Variants in TACC2 observed in about 807,000 individuals in gnomAD.
TACC2 encodes the protein transforming acidic coiled-coil-containing protein 2.
In TACC2, 137 loss-of-function variants were observed where a neutral mutation model predicts 227.3. That is an observed-to-expected ratio of 0.60 (90% confidence interval 0.52 to 0.69). The LOEUF is 0.69. Ranked by LOEUF, TACC2 falls within the 30% of genes least tolerant of loss-of-function variation. The pLI is 0.00. For missense variants in TACC2, 3,470 were observed against 3,694.4 expected, an observed-to-expected ratio of 0.94 and a Z score of 1.57; for synonymous variants, 1,523 against 1,487.5, an observed-to-expected ratio of 1.02 and a Z score of -0.55.
intron 2 of TACC2, 178 bp downstream of exon 2, chr10:122,022,192 T>C (rs899261129): frequency 3.5e-5 from 21 of 603,958 alleles, no homozygotes; most frequent in Middle Eastern, 8.6e-4. Context: ...GGAATTCTCT[T>C]ACGATTAAGG....
chr10:122,095,254 T>G (rs931938793), intron 5 of TACC2, among the ~76,000 whole-genome samples: 1 of 152,176 alleles, frequency 6.6e-6, no homozygotes, highest in African/African-American at 2.4e-5. Flanking sequence ...GACCATATGA[T>G]TCTGAGGTCT....
At chr10:122,016,768 A>G (rs1258996967) in intron 1 of TACC2, among the ~76,000 whole-genome samples, 1 of 152,126 alleles carries the variant, frequency 6.6e-6, no homozygotes, top group Non-Finnish European at 1.5e-5. Flanking sequence ...CTTCTATAAG[A>G]TGCTTAATTT....
intron 2 of TACC2, among the ~76,000 whole-genome samples, chr10:122,038,433 G>A (rs998204948): frequency 1.3e-5 from 2 of 152,176 alleles, no homozygotes; most frequent in South Asian, 4.1e-4. Context: ...TTAAAGGGGG[G>A]ACTTTGCATG....
chr10:122,125,492 GC>G (rs2086658267), intron 5 of TACC2, among the ~76,000 whole-genome samples: 1 of 152,116 alleles, frequency 6.6e-6, no homozygotes, highest in Non-Finnish European at 1.5e-5. Context: ...GAGCCACCAT[GC>G]CCGTCCCATG....
chr10:121,999,510 A>G (rs11200317), intron 1 of TACC2, among the ~76,000 whole-genome samples: 11,149 of 152,312 alleles, frequency 0.073, 462 homozygotes, highest in East Asian at 0.12. Flanking sequence ...TCATCGCCAC[A>G]TGTGTTCCAA....
chr10:121,995,749 G>A (rs1953384612), intron 1 of TACC2, among the ~76,000 whole-genome samples: 1 of 149,240 alleles, frequency 6.7e-6, no homozygotes, highest in Non-Finnish European at 1.5e-5. Flanking sequence ...AGAGATGCCA[G>A]GATCTTTTCT....
At chr10:122,237,271 A>T in intron 16 of TACC2, 124 bp from the exon 17 acceptor site, 1 of 955,586 alleles carries the variant, frequency 1.0e-6, no homozygotes, top group African/African-American at 1.7e-5. Context: ...GCACTTTCTC[A>T]TACTTTTGAT....
At chr10:122,082,043 C>T (rs1209298545) in intron 3 of TACC2, among the ~76,000 whole-genome samples, 3 of 151,536 alleles carry the variant, frequency 2.0e-5, no homozygotes, top group East Asian at 1.9e-4. Flanking sequence ...GTTGTCAGCA[C>T]GGTGGCTCAC....
In TACC2 at chr10:122,141,215, C is replaced by T. The variant is rs537816631; in HGVS notation, c.5700-2357C>T. Among the ~76,000 whole-genome samples, 1 of 151,972 alleles carries T rather than the reference C, an allele frequency of 6.6e-6. No homozygotes were observed. Among genetic ancestry groups the T allele is most frequent in the East Asian group, 1.9e-4 (1 of 5,158 alleles). On this transcript the variant is annotated intron_variant, in intron 6 of 22. Transcript: ENST00000369005. The surrounding 1 kb of genome is among the most constrained non-coding windows in gnomAD (Gnocchi z 4.3). ...AGGGAAGAGGAGAAGTTCTGTTGGG[C>T]CCAGGAGGTGTCTGTGGGGGCCCAT...
chr10:122,122,890 T>A (rs1407740300), intron 5 of TACC2, among the ~76,000 whole-genome samples: 1 of 152,204 alleles, frequency 6.6e-6, no homozygotes, highest in African/African-American at 2.4e-5. Context: ...TAATATTTCA[T>A]ATATATTCAA....
chr10:122,201,111 G>C (rs372600051), intron 8 of TACC2, among the ~76,000 whole-genome samples: 12 of 144,970 alleles, frequency 8.3e-5, no homozygotes, highest in East Asian at 2.1e-4. Context: ...CATCTACAGT[G>C]AGAGGACGGC....
chr10:122,169,354 G>T (rs1255009379), intron 7 of TACC2, among the ~76,000 whole-genome samples: 1 of 152,134 alleles, frequency 6.6e-6, no homozygotes, highest in African/African-American at 2.4e-5. Flanking sequence ...TGCAAGGTGG[G>T]TGACTTCTAT....
intron 1 of TACC2, among the ~76,000 whole-genome samples, chr10:122,014,344 G>A (rs917419156): frequency 1.3e-5 from 2 of 151,998 alleles, no homozygotes; most frequent in African/African-American, 4.8e-5. Flanking sequence ...AGAGTAGCTG[G>A]GATTACAGGC....
At chr10:122,080,779 C>G (rs1234962402) in intron 3 of TACC2, among the ~76,000 whole-genome samples, 2 of 152,142 alleles carry the variant, frequency 1.3e-5, no homozygotes, top group Non-Finnish European at 2.9e-5. Context: ...ATGTGCACTG[C>G]CTGGTGTGGA....
rs35408701 is a variant in TACC2 at position 122,044,682 on chromosome 10, ATT to A, written c.34-5741_34-5740del. Among the ~76,000 whole-genome samples, 982 of 146,228 alleles carry A rather than the reference ATT, an allele frequency of 6.7e-3. 1 individual carries two copies. The highest frequency in any genetic ancestry group is 0.013 in the African/African-American group (514 of 39,730). ...ATGGAGCGTTTAAGAGGTAAGTGGA[ATT>A]TTTTTTTTTTTTTTATGGTGAAATG... On this transcript the variant is annotated intron_variant, in intron 2 of 22. Coordinates refer to ENST00000369005, the MANE Select transcript of TACC2 (RefSeq NM_206862.4).
In TACC2 at chr10:122,211,796, C is replaced by A; in HGVS notation, c.7283+88C>A. On this transcript the variant is annotated intron_variant, in intron 9 of 22. Coordinates refer to ENST00000369005, the MANE Select transcript of TACC2 (RefSeq NM_206862.4). The stretch of plus-strand genomic sequence containing the variant: ...GGTCATGTGCCTGGATAACCTTCGA[C>A]TGCCCTAACCTTGCCCCTGGGTGCT... 5.1e-6 allele frequency: 6 copies of A among 1,178,418 alleles called. No homozygotes were observed. In the South Asian group the frequency reaches 9.9e-5, roughly 19 times the overall value. 73.0% of individuals were successfully genotyped at this position (1,178,418 alleles called of 1,614,324 possible).
chr10:122,240,716 T>C (rs1197907922), intron 18 of TACC2, among the ~76,000 whole-genome samples: 3 of 152,192 alleles, frequency 2.0e-5, no homozygotes, highest in African/African-American at 4.8e-5. Flanking sequence ...TCAACAGTTA[T>C]CCGCTCTTGG....
At position 122,040,741 on chromosome 10, in the gene TACC2, A is replaced by G. The variant is rs117064573; in HGVS notation, c.34-9697A>G. Among the ~76,000 whole-genome samples, 915 of 152,338 alleles carry G rather than the reference A, an allele frequency of 6.0e-3. 3 individuals are homozygous for G. Among genetic ancestry groups the G allele is most frequent in the Admixed American group, 9.6e-3 (147 of 15,302 alleles). ...CTTCTATTGTCTGGGTGTTTCTGTA[A>G]CAAGTCCCAAAAAACATAATTTTCA... is the stretch of plus-strand genomic sequence containing the variant. On this transcript the variant is annotated intron_variant, in intron 2 of 22. Transcript: ENST00000369005.
chr10:122,074,761 C>T (rs1475854489), intron 3 of TACC2, among the ~76,000 whole-genome samples: 1 of 152,142 alleles, frequency 6.6e-6, no homozygotes, highest in African/African-American at 2.4e-5. Context: ...AGTGAATTGA[C>T]TAGGTGACTG....
Sources: allele counts gnomAD v4.1 joint callset (sites outside exome capture counted in the v4.1 genomes callset), GRCh38; gene constraint gnomAD v4.1.1; non-coding constraint Gnocchi (gnomAD v3.1); transcripts MANE v1.5; gene names NCBI Gene and HGNC (gene_info 2026-07-23, HGNC 2026-07-21).